APP: variants seen among roughly 807,000 people sequenced by gnomAD.
APP encodes amyloid-beta precursor protein.
In APP, 31 loss-of-function variants were observed where a neutral mutation model predicts 101.4. That is an observed-to-expected ratio of 0.31 (90% CI 0.23 to 0.41). APP has a LOEUF of 0.41. Ranked by LOEUF, APP falls within the 10% of genes least tolerant of loss-of-function variation. The probability of loss-of-function intolerance (pLI) is 1.00; values close to 1 mark genes in which losing one functional copy is unlikely to be tolerated. For missense variants in APP, 839 were observed against 1,003.7 expected (o/e 0.84, Z 2.22); for synonymous variants, 366 against 364.4 (o/e 1.00, Z -0.05).
intron 17 of APP, among the ~76,000 whole-genome samples, chr21:25,883,879 G>T (rs1160037062): frequency 6.6e-6 from 1 of 152,180 alleles, no homozygotes; most frequent in East Asian, 1.9e-4. Context: ...CCTTGGGACA[G>T]AATGTTCCAT....
chr21:26,124,250 C>G (rs891339527), intron 1 of APP, among the ~76,000 whole-genome samples: 4 of 152,074 alleles, frequency 2.6e-5, no homozygotes, highest in African/African-American at 9.6e-5. Flanking sequence ...ATTGTGGCAC[C>G]AGGAGAGTAA....
intron 3 of APP, among the ~76,000 whole-genome samples, chr21:26,068,802 C>T (rs1208505958): frequency 1.3e-5 from 2 of 152,214 alleles, no homozygotes; most frequent in East Asian, 3.8e-4. Context: ...ACTCTTCTTG[C>T]TTTCTCACTC....
At chr21:25,897,358 C>T (rs189513529) in intron 16 of APP, among the ~76,000 whole-genome samples, 1 of 152,338 alleles carries the variant, frequency 6.6e-6, no homozygotes, top group African/African-American at 2.4e-5. Flanking sequence ...TCGTGATCCA[C>T]CCGCCTTGGC....
Position 25,881,680 on chromosome 21 carries a change from A to C in APP, c.2303T>G (p.Met768Arg). 1 of 1,613,908 alleles carries C rather than the reference A, an allele frequency of 6.2e-7. No homozygotes were observed. Among genetic ancestry groups the C allele is most frequent in the East Asian group, 2.2e-5 (1 of 44,888 alleles). ...TGCTGTGGCGGGGGTCTAGTTCTGC[A>C]TCTGCTCAAAGAACTTGTAGGTTGG... ...ENPTYKFFEQ[M>R]QN The change falls in exon 18 of 18, where the codon ATG (methionine) becomes AGG (arginine). Residue 768 changes from methionine (M) to arginine (R), a missense_variant. Physicochemically the swap from Met to Arg is moderately conservative, Grantham distance 91 (BLOSUM62 -1). Coordinates refer to ENST00000346798, the MANE Select transcript of APP (RefSeq NM_000484.4).
chr21:25,999,174 C>A (rs543806640), intron 7 of APP, among the ~76,000 whole-genome samples: 29 of 152,212 alleles, frequency 1.9e-4, no homozygotes, highest in Admixed American at 1.8e-3. Flanking sequence ...TGCCTGTGAT[C>A]CTAGCTGCTG....
chr21:26,084,262 T>G (rs1318964039), intron 3 of APP, among the ~76,000 whole-genome samples: 10 of 119,220 alleles, frequency 8.4e-5, no homozygotes, highest in East Asian at 2.5e-4. Context: ...TTTTTGAGAC[T>G]GAGTCTCGCT....
chr21:26,018,863 T>G (rs1208942008), intron 6 of APP, among the ~76,000 whole-genome samples: 1 of 152,224 alleles, frequency 6.6e-6, no homozygotes, highest in Non-Finnish European at 1.5e-5. Flanking sequence ...GTGTTTTGTT[T>G]ATGAAATTCT....
At position 26,000,107 on chromosome 21, in the gene APP, C is replaced by T; in HGVS notation, c.941G>A (p.Gly314Glu). The change falls in exon 7 of 18, where the codon GGG becomes GAG. Residue 314 changes from glycine (G) to glutamate (E), a missense_variant. Transcript: ENST00000346798. The part of the protein sequence containing the change: ...ISRWYFDVTE[G>E]KCAPFFYGGC... ...GCCGTAAAAGAATGGGGCACACTTC[C>T]CTTCAGTCACATCAAAGTACCAGCG... is the stretch of plus-strand genomic sequence containing the variant. The T allele has an allele frequency of 1.2e-6, 2 of 1,614,212 alleles. No homozygotes were observed. Among genetic ancestry groups the T allele is most frequent in the Non-Finnish European group, 1.7e-6 (2 of 1,180,028 alleles).
intron 1 of APP, among the ~76,000 whole-genome samples, chr21:26,128,251 T>G (rs759666023): frequency 2.6e-5 from 4 of 152,222 alleles, no homozygotes; most frequent in Non-Finnish European, 5.9e-5. Context: ...ATTTTTAAAC[T>G]ATCTAAGATA....
chr21:25,951,686 GA>G (rs1022800721), intron 13 of APP, among the ~76,000 whole-genome samples: 2 of 151,604 alleles, frequency 1.3e-5, no homozygotes, highest in African/African-American at 2.4e-5. Flanking sequence ...ACATAACCTG[GA>G]AAAAAAATCT....
At chr21:26,071,627 A>T (rs1260284294) in intron 3 of APP, among the ~76,000 whole-genome samples, 2 of 152,254 alleles carry the variant, frequency 1.3e-5, no homozygotes, top group East Asian at 3.8e-4. Context: ...TAAAATGTAC[A>T]TGAAAGGAAA....
intron 1 of APP, among the ~76,000 whole-genome samples, chr21:26,149,783 C>T (rs1306349221): frequency 3.9e-5 from 6 of 152,116 alleles, no homozygotes; most frequent in Admixed American, 6.5e-5. Context: ...AAGACCCTCA[C>T]CATTAGTTTT....
At chr21:26,019,314 A>G (rs6516718) in intron 6 of APP, among the ~76,000 whole-genome samples, 1,722 of 152,312 alleles carry the variant, frequency 0.011, 39 homozygotes, top group African/African-American at 0.039. Flanking sequence ...CCTGTCTCCT[A>G]AATATGCCTT....
At chr21:26,122,795 T>G (rs1308820605) in intron 1 of APP, among the ~76,000 whole-genome samples, 1 of 151,906 alleles carries the variant, frequency 6.6e-6, no homozygotes, top group Non-Finnish European at 1.5e-5. Flanking sequence ...TATTAAAAGA[T>G]TTCTTAAAGG....
At chr21:25,883,361 C>G (rs956127209) in intron 17 of APP, among the ~76,000 whole-genome samples, 1 of 152,056 alleles carries the variant, frequency 6.6e-6, no homozygotes, top group Admixed American at 6.5e-5. Flanking sequence ...CAAGATTGTG[C>G]CACTGCACTC....
intron 5 of APP, among the ~76,000 whole-genome samples, chr21:26,039,883 A>G (rs1041796864): frequency 6.6e-6 from 1 of 152,152 alleles, no homozygotes; most frequent in Non-Finnish European, 1.5e-5. Flanking sequence ...AAATTAAAAT[A>G]CTATAAATAA....
chr21:25,990,169 G>A (rs113562392), intron 8 of APP, among the ~76,000 whole-genome samples: 1,524 of 152,320 alleles, frequency 0.01, 29 homozygotes, highest in African/African-American at 0.035. Context: ...TATAGTCAGT[G>A]CAATCATAGT....
chr21:25,984,565 A>G (rs1476610012), intron 8 of APP, among the ~76,000 whole-genome samples: 1 of 152,210 alleles, frequency 6.6e-6, no homozygotes, highest in African/African-American at 2.4e-5. Context: ...TTTTTAACTT[A>G]ATCATTAAGT....
chr21:26,118,332 T>G (rs2062482470), intron 1 of APP, among the ~76,000 whole-genome samples: 1 of 152,214 alleles, frequency 6.6e-6, no homozygotes, highest in African/African-American at 2.4e-5. Flanking sequence ...TAGAGCCTTA[T>G]GCATGGCAAA....
Sources: gnomAD v4.1 joint callset for allele counts (sites outside exome capture counted in the v4.1 genomes callset) on GRCh38, gnomAD v4.1.1 for gene constraint, MANE v1.5 for transcripts, NCBI Gene and HGNC (gene_info 2026-07-23, HGNC 2026-07-21) for gene names.